Variants in GRM8 observed in about 807,000 individuals in gnomAD.
GRM8 encodes the protein metabotropic glutamate receptor 8.
A neutral mutation model predicts 87.2 loss-of-function variants in GRM8; 47 were observed. The observed-to-expected ratio is 0.54, with a 90% confidence interval of 0.43 to 0.69. The LOEUF is 0.69. Ranked by LOEUF, GRM8 falls within the 30% of genes least tolerant of loss-of-function variation. The pLI is 0.00. For missense variants in GRM8, 1,019 were observed against 1,139.2 expected, an observed-to-expected ratio of 0.89 and a Z score of 1.52; for synonymous variants, 396 against 404.5, an observed-to-expected ratio of 0.98 and a Z score of 0.25.
Position 126,610,826 on chromosome 7 carries a change from T to C in GRM8, c.1358-1328A>G, listed in dbSNP as rs555525039. The stretch of plus-strand genomic sequence containing the variant: ...TTGATTCTTCCTAAAAATCTAAACA[T>C]GGTGTAAGTTCTCTGATGAGACTAC... On this transcript the variant is annotated intron_variant, in intron 7 of 10. Transcript: ENST00000339582. Among the ~76,000 whole-genome samples the C allele has an allele frequency of 1.9e-3, 294 of 152,306 alleles. 1 individual carries two copies. Among genetic ancestry groups the C allele is most frequent in the Non-Finnish European group, 3.6e-3 (245 of 68,024 alleles).
At chr7:126,734,109 C>T (rs528955853) in intron 7 of GRM8, among the ~76,000 whole-genome samples, 1 of 151,976 alleles carries the variant, frequency 6.6e-6, no homozygotes, top group Non-Finnish European at 1.5e-5. Context: ...TCTCCATAAA[C>T]TTAGTGGGAA....
intron 7 of GRM8, among the ~76,000 whole-genome samples, chr7:126,628,101 G>A (rs1276114578): frequency 6.6e-6 from 1 of 152,140 alleles, no homozygotes; most frequent in East Asian, 1.9e-4. Flanking sequence ...CTGGAGTGCA[G>A]TGGCGTGATC....
chr7:126,792,943 T>C (rs751529961), intron 6 of GRM8, among the ~76,000 whole-genome samples: 10 of 152,196 alleles, frequency 6.6e-5, no homozygotes, highest in Non-Finnish European at 1.3e-4. Flanking sequence ...TCTCCTTCTC[T>C]ACTGAAGTCC....
chr7:127,130,140 C>A (rs1192757713), intron 2 of GRM8, among the ~76,000 whole-genome samples: 1 of 152,146 alleles, frequency 6.6e-6, no homozygotes, highest in African/African-American at 2.4e-5. Flanking sequence ...AGCATCATGA[C>A]TGTAAGTTTC....
intron 7 of GRM8, among the ~76,000 whole-genome samples, chr7:126,688,040 T>C (rs1808370640): frequency 6.6e-6 from 1 of 152,164 alleles, no homozygotes; most frequent in African/African-American, 2.4e-5. Context: ...TATACAAGCA[T>C]TTCAATCATT....
At chr7:126,795,896 T>A (rs1404089623) in intron 6 of GRM8, among the ~76,000 whole-genome samples, 1 of 150,720 alleles carries the variant, frequency 6.6e-6, no homozygotes, top group Non-Finnish European at 1.5e-5. Context: ...AGTTTCCCCA[T>A]TATGGTCACC....
chr7:126,518,895 G>A (rs113876081), intron 9 of GRM8, among the ~76,000 whole-genome samples: 1,900 of 152,100 alleles, frequency 0.012, 16 homozygotes, highest in Non-Finnish European at 0.02. Context: ...AAGATTCAGA[G>A]AAGATAACTT....
intron 6 of GRM8, among the ~76,000 whole-genome samples, chr7:126,771,785 T>G (rs1818868141): frequency 1.3e-5 from 2 of 152,072 alleles, no homozygotes; most frequent in South Asian, 2.1e-4. Flanking sequence ...CTGCAGGGGA[T>G]TCCCTAAAAT....
intron 6 of GRM8, among the ~76,000 whole-genome samples, chr7:126,789,179 C>T (rs1820996931): frequency 6.6e-6 from 1 of 151,992 alleles, no homozygotes; most frequent in Non-Finnish European, 1.5e-5. Flanking sequence ...GCATTTCCTG[C>T]TTGCCAGAAG....
Position 126,448,757 on chromosome 7 carries a change from A to C in GRM8, c.2431-2385T>G, listed in dbSNP as rs775637132. ...GAGTTTAATACAGGAAAGGCATCTA[A>C]CAAAATCCTTAGCAAACTAACAGAA... On this transcript the variant is annotated intron_variant, in intron 9 of 10. Coordinates refer to ENST00000339582, the MANE Select transcript of GRM8 (RefSeq NM_000845.3). Among the ~76,000 whole-genome samples the C allele has an allele frequency of 8.6e-4, 131 of 151,998 alleles. 1 individual carries two copies. The highest frequency in any genetic ancestry group is 1.4e-3 in the Non-Finnish European group (93 of 67,880).
intron 7 of GRM8, among the ~76,000 whole-genome samples, chr7:126,645,639 G>C (rs1184747505): frequency 1.3e-5 from 2 of 152,224 alleles, no homozygotes; most frequent in African/African-American, 4.8e-5. Flanking sequence ...GCAGTGAACA[G>C]GAAGAACCCA....
At chr7:127,014,988 G>A (rs1250443184) in intron 3 of GRM8, among the ~76,000 whole-genome samples, 10 of 124,974 alleles carry the variant, frequency 8.0e-5, no homozygotes, top group Non-Finnish European at 1.5e-4. Context: ...AGGAGAAGAG[G>A]AAGAAGAAGA....
intron 7 of GRM8, among the ~76,000 whole-genome samples, chr7:126,700,436 T>A (rs970012514): frequency 6.6e-6 from 1 of 152,198 alleles, no homozygotes; most frequent in Non-Finnish European, 1.5e-5. Flanking sequence ...TAATCTTTTT[T>A]AATCTCACTT....
intron 2 of GRM8, among the ~76,000 whole-genome samples, chr7:127,199,627 T>G (rs970933673): frequency 2.0e-5 from 3 of 152,232 alleles, no homozygotes; most frequent in Non-Finnish European, 4.4e-5. Flanking sequence ...CAGGGGCACA[T>G]GAGGACAAGA....
intron 3 of GRM8, among the ~76,000 whole-genome samples, chr7:126,935,141 A>T (rs1002861653): frequency 6.6e-6 from 1 of 152,184 alleles, no homozygotes; most frequent in African/African-American, 2.4e-5. Flanking sequence ...GGACTAGCAC[A>T]ATGTTTGGGA....
In GRM8 at chr7:126,537,808, C is replaced by T. The variant is rs1377200065; in HGVS notation, c.1495-3921G>A. On this transcript the variant is annotated intron_variant, in intron 8 of 10. Coordinates refer to ENST00000339582, the MANE Select transcript of GRM8 (RefSeq NM_000845.3). ...CAAACAAACAAACAAACAAAAAAAA[C>T]ACTATTTGAAAGTGAAAACTGCCTA... Among the ~76,000 whole-genome samples, 6 of 151,814 alleles carry T rather than the reference C, an allele frequency of 4.0e-5. No individual in the cohort carries two copies. The East Asian group carries it at 1.2e-3, about 29-fold the overall frequency.
At chr7:126,738,496 C>G (rs1814501170) in intron 7 of GRM8, among the ~76,000 whole-genome samples, 1 of 151,964 alleles carries the variant, frequency 6.6e-6, no homozygotes, top group East Asian at 1.9e-4. Context: ...CTGTTTAACT[C>G]ACTAAGATGA....
At chr7:126,881,153 G>T (rs1163085090) in intron 6 of GRM8, among the ~76,000 whole-genome samples, 2 of 152,118 alleles carry the variant, frequency 1.3e-5, no homozygotes, top group Admixed American at 1.3e-4. Flanking sequence ...ATCCCAGAGT[G>T]TTCAAATAAA....
intron 9 of GRM8, among the ~76,000 whole-genome samples, chr7:126,484,852 C>T (rs1231736732): frequency 2.7e-5 from 4 of 150,764 alleles, no homozygotes; most frequent in Admixed American, 2.7e-4. Context: ...TAAGGCTGTG[C>T]TAGCATGGAT....
Sources: allele counts gnomAD v4.1 joint callset (sites outside exome capture counted in the v4.1 genomes callset), GRCh38; gene constraint gnomAD v4.1.1; transcripts MANE v1.5; gene names NCBI Gene and HGNC (gene_info 2026-07-23, HGNC 2026-07-21).